The following GABRB1 variants were observed in gnomAD, a reference collection of about 807,000 sequenced individuals.
GABRB1 encodes the protein gamma-aminobutyric acid type A receptor subunit beta1.
A neutral mutation model predicts 51.6 loss-of-function variants in GABRB1; 17 were observed. The observed-to-expected ratio is 0.33, with a 90% CI of 0.23 to 0.49. The LOEUF is 0.49. GABRB1 is among the 20% of genes least tolerant of loss of function. The pLI is 0.99. For synonymous variants in GABRB1, 247 were observed against 218.9 expected, an observed-to-expected ratio of 1.13 and a Z score of -1.14; for missense variants, 410 against 600.6, an observed-to-expected ratio of 0.68 and a Z score of 3.32.
At chr4:47,384,639 T>C (rs1727722137) in intron 5 of GABRB1, among the ~76,000 whole-genome samples, 1 of 152,146 alleles carries the variant, frequency 6.6e-6, no homozygotes, top group African/African-American at 2.4e-5. Flanking sequence ...AAATCTGGGG[T>C]TTCAGGCCAA....
intron 4 of GABRB1, among the ~76,000 whole-genome samples, chr4:47,174,850 C>G (rs997496806): frequency 1.7e-4 from 25 of 150,230 alleles, no homozygotes; most frequent in African/African-American, 5.8e-4. Context: ...TAGGCTTCCT[C>G]CCTCCCTCCT....
chr4:47,219,211 T>C (rs919471646), intron 4 of GABRB1, among the ~76,000 whole-genome samples: 2 of 151,890 alleles, frequency 1.3e-5, no homozygotes, highest in Non-Finnish European at 2.9e-5. Flanking sequence ...GTAACTGTAA[T>C]GATCATGTTC....
chr4:47,317,262 A>G (rs533548184), intron 4 of GABRB1, among the ~76,000 whole-genome samples: 1 of 152,140 alleles, frequency 6.6e-6, no homozygotes, highest in South Asian at 2.1e-4. Flanking sequence ...ACTGAAAAGC[A>G]TCAGCTAAAT....
At chr4:47,385,325 G>A (rs1399587347) in intron 5 of GABRB1, among the ~76,000 whole-genome samples, 1 of 152,174 alleles carries the variant, frequency 6.6e-6, no homozygotes, top group Admixed American at 6.5e-5. Flanking sequence ...TCATCTTTTT[G>A]AGAAGGTTGT....
At chr4:47,333,142 TTATATTTA>T (rs1725548251) in intron 5 of GABRB1, among the ~76,000 whole-genome samples, 1 of 145,838 alleles carries the variant, frequency 6.9e-6, no homozygotes, top group African/African-American at 2.5e-5. Flanking sequence ...ATAATATATA[TTATATTTA>T]TATATTTAAA....
chr4:47,328,381 C>T (rs1725333223), intron 5 of GABRB1, among the ~76,000 whole-genome samples: 1 of 152,112 alleles, frequency 6.6e-6, no homozygotes, highest in Admixed American at 6.6e-5. Context: ...ACATGAAGTC[C>T]TTGCCCATGC....
intron 3 of GABRB1, among the ~76,000 whole-genome samples, chr4:47,055,967 A>G (rs1192091713): frequency 1.3e-5 from 2 of 152,234 alleles, no homozygotes; most frequent in Non-Finnish European, 2.9e-5. Flanking sequence ...TGTTTTTAAT[A>G]GTGAACTTTT....
At chr4:47,293,118 T>C (rs1438644424) in intron 4 of GABRB1, among the ~76,000 whole-genome samples, 3 of 151,756 alleles carry the variant, frequency 2.0e-5, no homozygotes, top group African/African-American at 7.3e-5. Context: ...CATAGTTTTG[T>C]TGTTGTTGTT....
chr4:47,364,623 A>AT (rs1268804033), intron 5 of GABRB1, among the ~76,000 whole-genome samples: 1 of 149,690 alleles, frequency 6.7e-6, no homozygotes, highest in Non-Finnish European at 1.5e-5. Context: ...CAGTGAGACT[A>AT]AAAAAAATTT....
intron 5 of GABRB1, among the ~76,000 whole-genome samples, chr4:47,396,316 C>T (rs1432424057): frequency 1.3e-5 from 2 of 152,098 alleles, no homozygotes; most frequent in Non-Finnish European, 2.9e-5. Context: ...GGGGAAACTA[C>T]CCCCATTATT....
chr4:47,234,902 G>T (rs1309259492), intron 4 of GABRB1, among the ~76,000 whole-genome samples: 2 of 152,070 alleles, frequency 1.3e-5, no homozygotes, highest in Non-Finnish European at 2.9e-5. Flanking sequence ...TGTTCTATTT[G>T]CTGCCAAAAA....
intron 4 of GABRB1, among the ~76,000 whole-genome samples, chr4:47,229,392 C>A (rs1031184775): frequency 3.3e-5 from 5 of 152,208 alleles, no homozygotes; most frequent in African/African-American, 1.2e-4. Flanking sequence ...CATTACCACA[C>A]ACAGTTTATT....
At chr4:47,113,803 A>C (rs548705365) in intron 3 of GABRB1, among the ~76,000 whole-genome samples, 13 of 152,194 alleles carry the variant, frequency 8.5e-5, no homozygotes, top group African/African-American at 3.1e-4. Context: ...AAATTTACCA[A>C]ATATTTTCTA....
chr4:47,003,669 G>A lies in GABRB1; in HGVS notation c.-20+9743G>A, dbSNP rs1724296575. ...ATCTAGTTCTGCTACATTCTTTTAA[G>A]TATGGGAATGAGGCTCAGAGAGACG... On this transcript the variant is annotated intron_variant, in intron 1 of 3. Transcript: ENST00000513567. Among the ~76,000 whole-genome samples the A allele has an allele frequency of 2.6e-5, 4 of 152,166 alleles. No individual in the cohort carries two copies. In the South Asian group the frequency reaches 6.2e-4, roughly 24 times the overall value.
chr4:47,095,566 C>T (rs1714380325), intron 3 of GABRB1, among the ~76,000 whole-genome samples: 1 of 152,172 alleles, frequency 6.6e-6, no homozygotes, highest in African/African-American at 2.4e-5. Flanking sequence ...CCTGGGAAAA[C>T]ACTAGGGGCA....
rs114981625 is a variant in GABRB1, at chr4:47,255,070, A to T, written c.462-65057A>T. 8.1e-4 allele frequency among the ~76,000 whole-genome samples: 124 copies of T among 152,318 alleles called. No individual in the cohort carries two copies. In the Middle Eastern group the frequency reaches 0.01, roughly 13 times the overall value. ...AATCCTTGAGAAAAAGAATTCAGGT[A>T]ATTGCTTTCTCTGTATTTCAAAGAT... On this transcript the variant is annotated intron_variant, in intron 4 of 8. Transcript: ENST00000295454.
chr4:47,085,250 T>C (rs1394462074), intron 3 of GABRB1, among the ~76,000 whole-genome samples: 1 of 152,200 alleles, frequency 6.6e-6, no homozygotes, highest in East Asian at 1.9e-4. Flanking sequence ...TTGAGAAAAG[T>C]TTGTCACCAA....
At chr4:47,179,123 AC>A (rs1443724512) in intron 4 of GABRB1, among the ~76,000 whole-genome samples, 5 of 151,276 alleles carry the variant, frequency 3.3e-5, no homozygotes, top group Admixed American at 1.3e-4. Flanking sequence ...CTAGCCCCTC[AC>A]CCCCTGACAG....
chr4:47,068,832 C>T (rs1727194073), intron 3 of GABRB1, among the ~76,000 whole-genome samples: 2 of 152,248 alleles, frequency 1.3e-5, no homozygotes, highest in East Asian at 1.9e-4. Context: ...AAAAAAATGG[C>T]ACCAATAACT....
Sources: allele counts gnomAD v4.1 joint callset (sites outside exome capture counted in the v4.1 genomes callset), GRCh38; gene constraint gnomAD v4.1.1; transcripts MANE v1.5; gene names NCBI Gene and HGNC (gene_info 2026-07-23, HGNC 2026-07-21).